Variants in ATXN1 observed in about 807,000 individuals in gnomAD.
ATXN1 encodes ataxin 1, also known as ataxin-1.
Under a neutral mutation model 56.4 loss-of-function variants are expected in ATXN1, and 8 were observed. The ratio of observed to expected loss-of-function variants is 0.14; its 90% CI spans 0.08 to 0.26. The LOEUF (loss-of-function observed/expected upper bound fraction) is 0.26, where lower values mean the gene tolerates loss of function less well. ATXN1 is among the 10% of genes least tolerant of loss of function. The pLI, the probability that ATXN1 is intolerant of heterozygous loss-of-function variation, is 1.00. For synonymous variants in ATXN1, 514 were observed against 494.6 expected, an observed-to-expected ratio of 1.04 and a Z score of -0.52; for missense variants, 987 against 1,106.5, an observed-to-expected ratio of 0.89 and a Z score of 1.53.
At chr6:16,761,246 G>A (rs1324800434) in intron 1 of ATXN1, 52 bp downstream of exon 1, 6 of 426,470 alleles carry the variant, frequency 1.4e-5, no homozygotes, top group Non-Finnish European at 2.8e-5. Flanking sequence ...GGGGAGAAGG[G>A]AATGGGGGAG....
At chr6:16,559,617 G>T (rs1463746173) in intron 4 of ATXN1, among the ~76,000 whole-genome samples, 1 of 152,092 alleles carries the variant, frequency 6.6e-6, no homozygotes, top group African/African-American at 2.4e-5. Flanking sequence ...GGACTCACAA[G>T]AAAATGATAA....
chr6:16,739,192 C>G (rs914510325), intron 2 of ATXN1: 1 of 149,952 alleles, frequency 6.7e-6, no homozygotes, highest in East Asian at 1.9e-4. Context: ...AAAAAAAACC[C>G]TGACATTTTT....
intron 2 of ATXN1, among the ~76,000 whole-genome samples, chr6:16,681,684 T>C (rs991551029): frequency 2.6e-5 from 4 of 152,172 alleles, no homozygotes; most frequent in African/African-American, 9.7e-5. Context: ...TGTTGAACTG[T>C]TTATATATTT....
intron 2 of ATXN1, among the ~76,000 whole-genome samples, chr6:16,707,580 C>T (rs1357042675): frequency 6.6e-6 from 1 of 152,158 alleles, no homozygotes; most frequent in Non-Finnish European, 1.5e-5. Flanking sequence ...TTTCCGGTTC[C>T]AAGCAAGGTG....
chr6:16,545,020 G>A (rs1399368488), intron 4 of ATXN1, among the ~76,000 whole-genome samples: 1 of 152,170 alleles, frequency 6.6e-6, no homozygotes, highest in African/African-American at 2.4e-5. Flanking sequence ...CAGGTATGTA[G>A]AGACAAAGGA....
chr6:16,670,929 T>A (rs1301452518), intron 2 of ATXN1, among the ~76,000 whole-genome samples: 1 of 152,226 alleles, frequency 6.6e-6, no homozygotes, highest in Non-Finnish European at 1.5e-5. Flanking sequence ...TTCATTTCGA[T>A]GTTACATGTG....
chr6:16,633,014 A>G (rs918855920), intron 3 of ATXN1, among the ~76,000 whole-genome samples: 4 of 152,118 alleles, frequency 2.6e-5, no homozygotes, highest in Non-Finnish European at 4.4e-5. Flanking sequence ...AAAAAAAAGA[A>G]AAGAAAGAAA....
intron 4 of ATXN1, among the ~76,000 whole-genome samples, chr6:16,567,726 C>G (rs1762255561): frequency 6.6e-6 from 1 of 151,900 alleles, no homozygotes; most frequent in Admixed American, 6.5e-5. Context: ...CGCCTTTTTA[C>G]TTTACAATCT....
chr6:16,715,211 G>A (rs1011006735), intron 2 of ATXN1, among the ~76,000 whole-genome samples: 3 of 152,144 alleles, frequency 2.0e-5, no homozygotes, highest in Non-Finnish European at 4.4e-5. Flanking sequence ...TTAAACATGA[G>A]TATATCCCAT....
intron 3 of ATXN1, among the ~76,000 whole-genome samples, chr6:16,656,586 C>A (rs1484125181): frequency 6.6e-6 from 1 of 152,134 alleles, no homozygotes. Flanking sequence ...TGTTTGAATT[C>A]CAACCCCCAG....
chr6:16,691,729 G>A (rs80205567), intron 2 of ATXN1, among the ~76,000 whole-genome samples: 1,537 of 152,334 alleles, frequency 0.01, 28 homozygotes, highest in African/African-American at 0.035. Flanking sequence ...TCTAGGCAGT[G>A]TGTGGACAGA....
rs184337074 is a variant in ATXN1 at position 16,310,087 on chromosome 6, T to C, written c.1918-3228A>G. The stretch of plus-strand genomic sequence containing the variant: ...AACTCCATTAAAAAAAAAAAGCCTC[T>C]AGAACAAAATACATATTATCTCCAA... On this transcript the variant is annotated intron_variant, in intron 7 of 7. Transcript: ENST00000436367. 3.0e-3 allele frequency among the ~76,000 whole-genome samples: 439 copies of C among 147,912 alleles called. 1 individual carries two copies. Among genetic ancestry groups the C allele is most frequent in the African/African-American group, 0.01 (417 of 40,240 alleles).
chr6:16,640,762 G>T (rs1261916229), intron 3 of ATXN1, among the ~76,000 whole-genome samples: 1 of 152,034 alleles, frequency 6.6e-6, no homozygotes, highest in African/African-American at 2.4e-5. Context: ...CAAGTGAAAG[G>T]AAGAGTGAGT....
At chr6:16,685,453 A>G (rs1758898691) in intron 2 of ATXN1, among the ~76,000 whole-genome samples, 4 of 152,282 alleles carry the variant, frequency 2.6e-5, no homozygotes, top group African/African-American at 7.2e-5. Flanking sequence ...ACTATGAGGC[A>G]TCTTGATTTG....
chr6:16,687,320 A>G (rs1339588248), intron 2 of ATXN1, among the ~76,000 whole-genome samples: 1 of 152,210 alleles, frequency 6.6e-6, no homozygotes, highest in Non-Finnish European at 1.5e-5. Context: ...GATGCTACCA[A>G]TAAAATCTAA....
chr6:16,389,810 G>A (rs896541436), intron 6 of ATXN1, among the ~76,000 whole-genome samples: 27 of 152,176 alleles, frequency 1.8e-4, no homozygotes, highest in African/African-American at 6.5e-4. Context: ...GGGCTCACAG[G>A]TTCATTGCAC....
intron 7 of ATXN1, among the ~76,000 whole-genome samples, chr6:16,309,262 T>A (rs1199765242): frequency 2.0e-5 from 3 of 148,710 alleles, no homozygotes; most frequent in Non-Finnish European, 4.5e-5. Context: ...ATAATAATAA[T>A]AATTAATTAA....
chr6:16,576,349 G>A (rs1278262692), intron 4 of ATXN1, among the ~76,000 whole-genome samples: 3 of 152,168 alleles, frequency 2.0e-5, no homozygotes, highest in African/African-American at 7.2e-5. Flanking sequence ...TAAACAAACA[G>A]TGGGGGCATA....
chr6:16,486,595 T>G (rs1581794435), intron 5 of ATXN1, among the ~76,000 whole-genome samples: 1 of 152,204 alleles, frequency 6.6e-6, no homozygotes, highest in South Asian at 2.1e-4. Context: ...AAGCCAGCAC[T>G]GGTAAGGCAC....
Sources: allele counts gnomAD v4.1 joint callset (sites outside exome capture counted in the v4.1 genomes callset), GRCh38; gene constraint gnomAD v4.1.1; transcripts MANE v1.5; gene names NCBI Gene and HGNC (gene_info 2026-07-23, HGNC 2026-07-21).